The following HENMT1 variants were observed in gnomAD, a reference collection of about 807,000 sequenced individuals.
The protein encoded by HENMT1 is small RNA 2'-O-methyltransferase.
Under a neutral mutation model 31.1 loss-of-function variants are expected in HENMT1, and 27 were observed. The observed-to-expected ratio is 0.87, with a 90% CI of 0.64 to 1.20. HENMT1 has a LOEUF of 1.20. Ranked by LOEUF, HENMT1 falls within the 50% of genes most tolerant of loss-of-function variation. The pLI is 0.00. For synonymous variants in HENMT1, 167 were observed against 172.2 expected, an observed-to-expected ratio of 0.97 and a Z score of 0.24; for missense variants, 438 against 469.6, an observed-to-expected ratio of 0.93 and a Z score of 0.62.
In HENMT1 at chr1:108,648,526, C is replaced by A; in HGVS notation, c.*40G>T. 6.4e-7 allele frequency: 1 copy of A among 1,551,566 alleles called. No homozygotes were observed. The highest frequency in any genetic ancestry group is 8.8e-7 in the Non-Finnish European group (1 of 1,132,666). On this transcript the variant is annotated 3_prime_UTR_variant, in exon 8 of 8. Coordinates refer to ENST00000651461, the MANE Select transcript of HENMT1 (RefSeq NM_001102592.2). ...AAAACTAAATTCTAAGTGAGCACAA[C>A]TATCGCTGAGACCCTGAAATTTCAG...
intron 5 of HENMT1, among the ~76,000 whole-genome samples, chr1:108,653,325 C>T (rs931051595): frequency 6.6e-6 from 1 of 152,154 alleles, no homozygotes; most frequent in African/African-American, 2.4e-5. Context: ...CTAAATACCA[C>T]ACTTTCTTTA....
Position 108,648,754 on chromosome 1 carries a change from G to T in HENMT1, c.994C>A (p.Pro332Thr). 6.2e-7 allele frequency: 1 copy of T among 1,614,208 alleles called. No homozygotes were observed. Among genetic ancestry groups the T allele is most frequent in the South Asian group, 1.1e-5 (1 of 91,086 alleles). ...AAAAATTTATCTCCAACACAGAAGG[G>T]TGTGGGAGAGTTCTCTATCTTGGCC... Reference protein sequence around the residue: ...EKAKIENSPTPFCVGDKFFVP... With the variant: ...EKAKIENSPTTFCVGDKFFVP... The change falls in exon 8 of 8, where the codon CCC becomes ACC. Residue 332 changes from proline (P) to threonine (T), a missense_variant. Coordinates refer to ENST00000651461, the MANE Select transcript of HENMT1 (RefSeq NM_001102592.2).
chr1:108,650,390 T>C lies in HENMT1; in HGVS notation c.579-2A>G, dbSNP rs769821832. 12 of 1,606,630 alleles carry C rather than the reference T, an allele frequency of 7.5e-6. No homozygotes were observed. The East Asian group carries it at 2.7e-4, about 36-fold the overall frequency. ...TAGCGATTTGCCACATATAAAGCCC[T>C]GAAACCAAAACGAGGACAGCAATCA... On this transcript the variant is annotated splice_acceptor_variant, in intron 6 of 7. Coordinates refer to ENST00000651461, the MANE Select transcript of HENMT1 (RefSeq NM_001102592.2). LOFTEE classifies it high-confidence loss of function.
Position 108,655,711 on chromosome 1 carries a change from CAG to C in HENMT1, c.151-15_151-14del, listed in dbSNP as rs1658215329. ...CCAGGTCTGCAACCTGTAGATGAGA[CAG>C]AATGTTATTTCAAAGACATTTATAG... On this transcript the variant is annotated splice_polypyrimidine_tract_variant and intron_variant, in intron 3 of 7. Coordinates refer to ENST00000651461, the MANE Select transcript of HENMT1 (RefSeq NM_001102592.2). 1.3e-6 allele frequency: 2 copies of C among 1,548,548 alleles called. No individual in the cohort carries two copies. The highest frequency in any genetic ancestry group is 1.8e-6 in the Non-Finnish European group (2 of 1,134,084).
intron 2 of HENMT1, among the ~76,000 whole-genome samples, chr1:108,658,122 T>C (rs1229838697): frequency 3.4e-5 from 5 of 146,244 alleles, no homozygotes; most frequent in Non-Finnish European, 7.4e-5. Flanking sequence ...CACACACATA[T>C]ATATATATAT....
chr1:108,648,892 G>C lies in HENMT1; in HGVS notation c.856C>G (p.His286Asp), dbSNP rs753660942. 2 of 1,614,172 alleles carry C rather than the reference G, an allele frequency of 1.2e-6. No homozygotes were observed. The highest frequency in any genetic ancestry group is 2.2e-5 in the South Asian group (2 of 91,080). Residue 286 changes from histidine to aspartate, a missense_variant, in exon 8 of 8, where the codon CAC (histidine) becomes GAC (aspartate). Coordinates refer to ENST00000651461, the MANE Select transcript of HENMT1 (RefSeq NM_001102592.2). ...GCCTGTTCTTTCCGCCTTGGCAGGTGGCTCACTCTTAAGCTTTCCACTTGT... is the reference window on the plus strand; with the variant it reads ...GCCTGTTCTTTCCGCCTTGGCAGGTCGCTCACTCTTAAGCTTTCCACTTGT... Reference protein sequence around the residue: ...SQQVESLRVSHLPRRKEQAGE... With the variant: ...SQQVESLRVSDLPRRKEQAGE...
At chr1:108,657,338 T>A in intron 3 of HENMT1, 113 bp downstream of exon 3, 3 of 717,832 alleles carry the variant, frequency 4.2e-6, no homozygotes, top group Non-Finnish European at 4.7e-6. Context: ...GCATTCTCCC[T>A]ATTGCAATAA....
intron 3 of HENMT1, among the ~76,000 whole-genome samples, chr1:108,657,081 TG>T (rs1353890757): frequency 6.6e-6 from 1 of 152,186 alleles, no homozygotes; most frequent in African/African-American, 2.4e-5. Flanking sequence ...CATGAATACT[TG>T]TCCCCACTGA....
At chr1:108,654,938 T>C in intron 4 of HENMT1, 88 bp from the exon 5 acceptor site, 2 of 1,288,460 alleles carry the variant, frequency 1.6e-6, no homozygotes, top group Non-Finnish European at 2.2e-6. Flanking sequence ...CTGATAATTA[T>C]CTTCTACCTC....
intron 5 of HENMT1, among the ~76,000 whole-genome samples, chr1:108,652,763 T>C (rs1419182021): frequency 6.6e-6 from 1 of 151,844 alleles, no homozygotes; most frequent in Non-Finnish European, 1.5e-5. Flanking sequence ...GCCAATAGGG[T>C]GAAACCCCAT....
intron 4 of HENMT1, among the ~76,000 whole-genome samples, chr1:108,655,335 G>C (rs1182466081): frequency 6.6e-6 from 1 of 152,112 alleles, no homozygotes; most frequent in Non-Finnish European, 1.5e-5. Flanking sequence ...AAAGTGATGA[G>C]ATTTTGCTAT....
chr1:108,659,388 G>A (rs969648932), intron 2 of HENMT1, among the ~76,000 whole-genome samples: 4 of 151,964 alleles, frequency 2.6e-5, no homozygotes, highest in Non-Finnish European at 5.9e-5. Context: ...TTAAAGTTCG[G>A]TTCCTCAATT....
intron 3 of HENMT1, among the ~76,000 whole-genome samples, chr1:108,656,806 C>T (rs1570637342): frequency 6.6e-6 from 1 of 152,210 alleles, no homozygotes; most frequent in Non-Finnish European, 1.5e-5. Context: ...CCTGTGGCTA[C>T]AATACCAGTT....
intron 2 of HENMT1, among the ~76,000 whole-genome samples, chr1:108,658,929 T>C (rs1431583647): frequency 6.6e-6 from 1 of 152,252 alleles, no homozygotes; most frequent in Non-Finnish European, 1.5e-5. Context: ...GATGTAGCAC[T>C]GTCCAATAGA....
intron 2 of HENMT1, among the ~76,000 whole-genome samples, chr1:108,658,131 ATAT>A (rs1322574556): frequency 3.3e-4 from 47 of 142,284 alleles, no homozygotes; most frequent in African/African-American, 2.3e-4. Context: ...ATATATATAT[ATAT>A]TTTTTTTTTC....
At chr1:108,651,878 A>C (rs1658068449) in intron 5 of HENMT1, among the ~76,000 whole-genome samples, 1 of 152,142 alleles carries the variant, frequency 6.6e-6, no homozygotes, top group South Asian at 2.1e-4. Context: ...TGGCCTCATT[A>C]TCAATACCTC....
chr1:108,650,160 C>G, intron 7 of HENMT1, 51 bp downstream of exon 7: 8 of 1,560,134 alleles, frequency 5.1e-6, no homozygotes, highest in Non-Finnish European at 7.1e-6. Context: ...AAAAAGTTCA[C>G]CATCCTAATG....
chr1:108,657,646 C>CAA (rs35789898), intron 2 of HENMT1, 67 bp from the exon 3 acceptor site: 3,630 of 1,096,974 alleles, frequency 3.3e-3, no homozygotes, highest in East Asian at 4.1e-3. Flanking sequence ...AAATAAGGGG[C>CAA]AAAAAAAAAA....
chr1:108,648,442 G>T lies in HENMT1; in HGVS notation c.*124C>A. ...TCAAGCAGGTCTGTCCAATGGCTTG[G>T]AACATAGACTTTTGCAGTGAAACTT... On this transcript the variant is annotated 3_prime_UTR_variant, in exon 8 of 8. Coordinates refer to ENST00000651461, the MANE Select transcript of HENMT1 (RefSeq NM_001102592.2). 1 of 829,634 alleles carries T rather than the reference G, an allele frequency of 1.2e-6. No individual in the cohort carries two copies. The highest frequency in any genetic ancestry group is 1.9e-6 in the Non-Finnish European group (1 of 540,392). 51.4% of individuals were successfully genotyped at this position (829,634 alleles called of 1,614,324 possible).
Sources: allele counts gnomAD v4.1 joint callset (sites outside exome capture counted in the v4.1 genomes callset), GRCh38; gene constraint gnomAD v4.1.1; transcripts MANE v1.5; gene names NCBI Gene and HGNC (gene_info 2026-07-23, HGNC 2026-07-21).